Variants in TRMT2B observed in about 807,000 individuals in gnomAD.
TRMT2B encodes the protein tRNA methyltransferase 2B.
A neutral mutation model predicts 39.7 loss-of-function variants in TRMT2B; 34 were observed. The ratio of observed to expected loss-of-function variants is 0.86; its 90% CI spans 0.65 to 1.14. The LOEUF (loss-of-function observed/expected upper bound fraction) is 1.14. TRMT2B is among the 50% of genes most tolerant of loss of function. The probability of loss-of-function intolerance (pLI) is 0.00; values close to 1 mark genes in which losing one functional copy is unlikely to be tolerated. For synonymous variants in TRMT2B, 132 were observed against 137.3 expected, an observed-to-expected ratio of 0.96 and a Z score of 0.27; for missense variants, 318 against 377.2, an observed-to-expected ratio of 0.84 and a Z score of 1.30.
chrX:101,012,591 C>T (rs1293527624), intron 13 of TRMT2B, among the ~76,000 whole-genome samples: 2 of 106,963 alleles, frequency 1.9e-5, no homozygotes, highest in African/African-American at 3.4e-5. Flanking sequence ...TTTGTTCTTG[C>T]GATAGTTTAC....
chrX:101,012,321 TTTCA>T (rs1202880152), intron 13 of TRMT2B, among the ~76,000 whole-genome samples: 1 of 109,197 alleles, frequency 9.2e-6, no homozygotes, highest in African/African-American at 3.3e-5. Context: ...ATAATTTTTT[TTTCA>T]TTTATTATTA....
chrX:101,011,476 G>T (rs1419871644), intron 13 of TRMT2B, among the ~76,000 whole-genome samples: 1 of 111,829 alleles, frequency 8.9e-6, no homozygotes, highest in Admixed American at 9.6e-5. Context: ...AGTTGGGTGT[G>T]GTAGTACATG....
In TRMT2B at chrX:101,051,805, C is replaced by A. The variant is rs1050650746; in HGVS notation, c.-507+12G>T. ...TTACCTTCCTTCGTAACCAATAAATCCTCTTACAAACCTGAGGCGGCAAAC... is the reference window on the plus strand; with the variant it reads ...TTACCTTCCTTCGTAACCAATAAATACTCTTACAAACCTGAGGCGGCAAAC... On this transcript the variant is annotated intron_variant, in intron 1 of 13. Coordinates refer to ENST00000372936, the MANE Select transcript of TRMT2B (RefSeq NM_024917.6). 10 of 553,259 alleles carry A rather than the reference C, an allele frequency of 1.8e-5. No individual in the cohort carries two copies. Among genetic ancestry groups the A allele is most frequent in the Non-Finnish European group, 2.2e-5 (10 of 456,038 alleles). 45.6% of individuals were successfully genotyped at this position (553,259 alleles called of 1,213,427 possible).
At chrX:101,050,100 C>A (rs995531081) in intron 2 of TRMT2B, among the ~76,000 whole-genome samples, 10 of 111,950 alleles carry the variant, frequency 8.9e-5, no homozygotes, top group African/African-American at 3.2e-4. Context: ...GACATTTAGA[C>A]TTTTTTGTGA....
At chrX:101,033,279 A>T (rs2087619870) in intron 7 of TRMT2B, among the ~76,000 whole-genome samples, 1 of 107,823 alleles carries the variant, frequency 9.3e-6, no homozygotes, top group South Asian at 4.1e-4. Flanking sequence ...AAGAAAGAAA[A>T]GAAATTAGCA....
intron 13 of TRMT2B, among the ~76,000 whole-genome samples, chrX:101,015,035 T>C (rs1223559913): frequency 1.8e-5 from 2 of 111,370 alleles, no homozygotes; most frequent in Non-Finnish European, 3.8e-5. Flanking sequence ...TCAATAAAGC[T>C]ATTATTTTAA....
the TRMT2B span, among the ~76,000 whole-genome samples, chrX:101,001,403 T>C: frequency 9.1e-6 from 1 of 109,636 alleles, no homozygotes; most frequent in Non-Finnish European, 1.9e-5. Context: ...GCCTGGAAAA[T>C]TTTTTTGTGT....
chrX:101,026,233 G>A (rs1235100535), intron 7 of TRMT2B, among the ~76,000 whole-genome samples: 1 of 110,944 alleles, frequency 9.0e-6, no homozygotes, highest in Non-Finnish European at 1.9e-5. Context: ...AGTATTCTGG[G>A]AGGCCAAGGC....
downstream of TRMT2B, among the ~76,000 whole-genome samples, chrX:101,008,062 G>A (rs1004174337): frequency 1.8e-5 from 2 of 111,532 alleles, no homozygotes; most frequent in Non-Finnish European, 3.8e-5. Flanking sequence ...TATTCATTAA[G>A]ACTGAGAATA....
the TRMT2B span, among the ~76,000 whole-genome samples, chrX:100,995,813 A>T: frequency 2.7e-5 from 3 of 112,422 alleles, no homozygotes; most frequent in East Asian, 5.6e-4. Context: ...TGTTAAGTGA[A>T]AACAGCAGAA....
intron 2 of TRMT2B, among the ~76,000 whole-genome samples, chrX:101,045,106 T>G (rs1429941493): frequency 1.8e-5 from 2 of 108,705 alleles, no homozygotes; most frequent in Admixed American, 2.0e-4. Flanking sequence ...GAGGATCAAT[T>G]GAGCTCAGGA....
chrX:100,985,973 T>C, the TRMT2B span: 17 of 1,144,851 alleles, frequency 1.5e-5, no homozygotes, highest in East Asian at 1.2e-4. Flanking sequence ...CTTAAAAGTA[T>C]AGAAATGAAG....
chrX:100,984,756 G>C, the TRMT2B span, among the ~76,000 whole-genome samples: 1 of 112,122 alleles, frequency 8.9e-6, no homozygotes, highest in Non-Finnish European at 1.9e-5. Flanking sequence ...CAACAAGAAA[G>C]AGAGAGAGAA....
In TRMT2B at chrX:101,021,147, A is replaced by C. The variant is rs759954801; in HGVS notation, c.1020T>G (p.Thr340=). ...EMLYRTVGEL[T]GVNSDTILLD... ...GAAGGATGGTGTCAGAGTTCACTCC[A>C]GTCAGCTCCCCCACAGTCCGATACA... Residue 340 remains threonine (T), a synonymous_variant, in exon 10 of 14, where the codon ACT becomes ACG. Coordinates refer to ENST00000372936, the MANE Select transcript of TRMT2B (RefSeq NM_024917.6). 19 of 1,209,713 alleles carry C rather than the reference A, an allele frequency of 1.6e-5. No individual in the cohort carries two copies. Among genetic ancestry groups the C allele is most frequent in the Non-Finnish European group, 2.1e-5 (19 of 895,264 alleles).
At chrX:101,018,619 T>C (rs112115111) in intron 13 of TRMT2B, among the ~76,000 whole-genome samples, 8,740 of 109,494 alleles carry the variant, frequency 0.08, 346 homozygotes, top group Admixed American at 0.12. Context: ...CCAGCTAATC[T>C]TCTATATTTT....
rs1046793292 is a variant in TRMT2B, at chrX:101,051,276, G to A, written c.-49C>T. ...CTGCGCAGGGCCAAGGATCCCTTTT[G>A]GAGCAAAATGTTCACCCACCGACAA... On this transcript the variant is annotated 5_prime_UTR_variant, in exon 2 of 14. Coordinates refer to ENST00000372936, the MANE Select transcript of TRMT2B (RefSeq NM_024917.6). The A allele has an allele frequency of 2.7e-6, 2 of 753,347 alleles. No homozygotes were observed. The highest frequency in any genetic ancestry group is 3.1e-6 in the Non-Finnish European group (2 of 639,082). 62.1% of individuals were successfully genotyped at this position (753,347 alleles called of 1,213,427 possible).
chrX:100,982,897 G>A, the TRMT2B span, among the ~76,000 whole-genome samples: 1 of 110,648 alleles, frequency 9.0e-6, no homozygotes, highest in Non-Finnish European at 1.9e-5. Flanking sequence ...TGGTACTCAA[G>A]CTTTAAAGTG....
At chrX:101,024,519 T>G (rs1381133561) in intron 7 of TRMT2B, among the ~76,000 whole-genome samples, 2 of 109,570 alleles carry the variant, frequency 1.8e-5, no homozygotes, top group Non-Finnish European at 3.8e-5. Flanking sequence ...ACATGGCCTG[T>G]CTACAAAAAA....
chrX:100,976,827 A>G, the TRMT2B span, among the ~76,000 whole-genome samples: 2 of 112,175 alleles, frequency 1.8e-5, no homozygotes, highest in Non-Finnish European at 3.8e-5. Flanking sequence ...CAAACTCCTG[A>G]CTTCAGGTGA....
Sources: gnomAD v4.1 joint callset for allele counts (sites outside exome capture counted in the v4.1 genomes callset) on GRCh38, gnomAD v4.1.1 for gene constraint, MANE v1.5 for transcripts, NCBI Gene and HGNC (gene_info 2026-07-23, HGNC 2026-07-21) for gene names.